Variants in AGBL4 observed in about 807,000 individuals in gnomAD.
AGBL4 encodes AGBL carboxypeptidase 4.
AGBL4 carries 58 observed loss-of-function variants against 66.4 expected under a neutral mutation model. The observed-to-expected ratio is 0.87, with a 90% CI of 0.71 to 1.09. The LOEUF is 1.09. AGBL4 is among the 50% of genes least tolerant of loss of function. The probability of loss-of-function intolerance (pLI) is 0.00; values close to 1 mark genes in which losing one functional copy is unlikely to be tolerated. For missense variants in AGBL4, 579 were observed against 631.0 expected, an observed-to-expected ratio of 0.92 and a Z score of 0.88; for synonymous variants, 234 against 222.9, an observed-to-expected ratio of 1.05 and a Z score of -0.44.
intron 4 of AGBL4, among the ~76,000 whole-genome samples, chr1:49,102,554 G>C (rs1645222041): frequency 6.6e-6 from 1 of 152,106 alleles, no homozygotes; most frequent in African/African-American, 2.4e-5. Flanking sequence ...ATTAACATAA[G>C]ATTTGATGTT....
At chr1:48,776,091 G>A (rs1645065298) in intron 6 of AGBL4, among the ~76,000 whole-genome samples, 1 of 152,182 alleles carries the variant, frequency 6.6e-6, no homozygotes, top group Non-Finnish European at 1.5e-5. Context: ...TTCCCTCTGT[G>A]AGGAGGGACT....
At chr1:48,558,379 T>G (rs996708569) in intron 11 of AGBL4, among the ~76,000 whole-genome samples, 1 of 152,126 alleles carries the variant, frequency 6.6e-6, no homozygotes, top group Non-Finnish European at 1.5e-5. Context: ...CTTAATGTAT[T>G]CCCCTCTCAC....
chr1:49,950,869 C>T (rs953784230), intron 1 of AGBL4, among the ~76,000 whole-genome samples: 13 of 151,634 alleles, frequency 8.6e-5, no homozygotes, highest in South Asian at 2.1e-4. Context: ...AAAGAAAATG[C>T]GAAAATGTAG....
Position 49,116,086 on chromosome 1 carries a change from C to T in AGBL4, c.378-70286G>A, listed in dbSNP as rs1019127079. 7.9e-5 allele frequency among the ~76,000 whole-genome samples: 12 copies of T among 151,904 alleles called. No individual in the cohort carries two copies. The East Asian group carries it at 9.7e-4, about 12-fold the overall frequency. On this transcript the variant is annotated intron_variant, in intron 4 of 13. Coordinates refer to ENST00000371839, the MANE Select transcript of AGBL4 (RefSeq NM_032785.4). Reference sequence around the variant, plus strand: ...TTGTATGTCTTTGAAAAATTATGCACGAGATATCTATGATTTTTTAAAAAT... The same window carrying T: ...TTGTATGTCTTTGAAAAATTATGCATGAGATATCTATGATTTTTTAAAAAT...
intron 6 of AGBL4, among the ~76,000 whole-genome samples, chr1:48,667,187 T>C (rs1414332494): frequency 6.6e-6 from 1 of 152,220 alleles, no homozygotes; most frequent in Non-Finnish European, 1.5e-5. Flanking sequence ...CAGTGTGGGC[T>C]GGACTTAGAG....
intron 3 of AGBL4, among the ~76,000 whole-genome samples, chr1:49,476,159 T>C (rs1173427016): frequency 1.3e-5 from 2 of 152,100 alleles, no homozygotes; most frequent in African/African-American, 4.8e-5. Flanking sequence ...TATTTCTGCC[T>C]AAATCTTGAT....
intron 1 of AGBL4, among the ~76,000 whole-genome samples, chr1:49,898,954 G>A (rs925281508): frequency 2.0e-5 from 3 of 152,110 alleles, no homozygotes; most frequent in African/African-American, 7.2e-5. Flanking sequence ...GAGAGTAGAA[G>A]GATGGTTACC....
chr1:49,072,887 C>T (rs142824557), intron 4 of AGBL4, among the ~76,000 whole-genome samples: 83 of 152,298 alleles, frequency 5.4e-4, no homozygotes, highest in South Asian at 8.3e-4. Context: ...ACCAATCAAA[C>T]GTAGATTTGG....
intron 1 of AGBL4, among the ~76,000 whole-genome samples, chr1:49,936,930 A>C (rs1277976900): frequency 6.6e-6 from 1 of 152,232 alleles, no homozygotes; most frequent in Non-Finnish European, 1.5e-5. Context: ...AACTGCATCA[A>C]CTAACGAGCA....
intron 1 of AGBL4, among the ~76,000 whole-genome samples, chr1:49,956,658 G>A (rs572875263): frequency 2.6e-5 from 4 of 151,756 alleles, no homozygotes; most frequent in Non-Finnish European, 4.4e-5. Flanking sequence ...AAAACATAAG[G>A]TTCAAATGAG....
intron 3 of AGBL4, among the ~76,000 whole-genome samples, chr1:49,630,535 G>T (rs1176080234): frequency 2.0e-5 from 3 of 152,148 alleles, no homozygotes; most frequent in Admixed American, 6.5e-5. Context: ...AGTACTTGGT[G>T]TGATTGCCTA....
rs1650104949 is a variant in AGBL4, at chr1:49,228,945, G to C, written c.377+16825C>G. Among the ~76,000 whole-genome samples, 2 of 152,126 alleles carry C rather than the reference G, an allele frequency of 1.3e-5. 1 individual carries two copies. The highest frequency in any genetic ancestry group is 2.9e-5 in the Non-Finnish European group (2 of 68,034). ...ATTTCCAGCCTCATCACCTAGCACA[G>C]GACCCAAGCTCAGCTCATCTTCTCC... is the stretch of plus-strand genomic sequence containing the variant. On this transcript the variant is annotated intron_variant, in intron 4 of 13. Coordinates refer to ENST00000371839, the MANE Select transcript of AGBL4 (RefSeq NM_032785.4).
intron 5 of AGBL4, among the ~76,000 whole-genome samples, chr1:48,899,188 G>A (rs34668690): frequency 6.6e-6 from 1 of 152,224 alleles, no homozygotes; most frequent in Non-Finnish European, 1.5e-5. Context: ...GCGTGTAGCC[G>A]TGGGCAGGCG....
chr1:49,578,881 T>C (rs903887322), intron 3 of AGBL4, among the ~76,000 whole-genome samples: 2 of 152,164 alleles, frequency 1.3e-5, no homozygotes, highest in African/African-American at 4.8e-5. Context: ...GGATACAGAG[T>C]ATTGATACTG....
intron 2 of AGBL4, among the ~76,000 whole-genome samples, chr1:49,761,889 G>A (rs545270716): frequency 2.6e-5 from 4 of 152,106 alleles, no homozygotes; most frequent in African/African-American, 9.6e-5. Context: ...GGTGCCCATT[G>A]TTCTACTCTC....
rs72901848 is a variant in AGBL4, at chr1:49,610,076, A to C, written c.282+87237T>G. 2.2e-3 allele frequency among the ~76,000 whole-genome samples: 340 copies of C among 152,112 alleles called. 2 individuals carry two copies. The highest frequency in any genetic ancestry group is 7.9e-3 in the African/African-American group (327 of 41,564). On this transcript the variant is annotated intron_variant, in intron 3 of 13. Coordinates refer to ENST00000371839, the MANE Select transcript of AGBL4 (RefSeq NM_032785.4). The stretch of plus-strand genomic sequence containing the variant: ...TAAGCAAATGCAGGCAATAGAAAAT[A>C]AAAAATAAAAATAAGATAAAGTTAG...
intron 2 of AGBL4, 107 bp from the exon 3 acceptor site, chr1:49,697,544 A>G (rs1276134106): frequency 2.1e-6 from 2 of 932,086 alleles, no homozygotes; most frequent in Non-Finnish European, 3.0e-6. Context: ...GTCAACATTC[A>G]GTACTTGAAG....
At chr1:49,900,677 G>A (rs1398654182) in intron 1 of AGBL4, among the ~76,000 whole-genome samples, 2 of 152,166 alleles carry the variant, frequency 1.3e-5, no homozygotes, top group Non-Finnish European at 2.9e-5. Flanking sequence ...AAAAGCAGTA[G>A]AACAGATCCA....
At chr1:49,519,255 A>T (rs1300886012) in intron 3 of AGBL4, among the ~76,000 whole-genome samples, 1 of 152,030 alleles carries the variant, frequency 6.6e-6, no homozygotes, top group African/African-American at 2.4e-5. Context: ...TTGGTTTTTT[A>T]TTCTCTAAAA....
Sources: allele counts gnomAD v4.1 joint callset (sites outside exome capture counted in the v4.1 genomes callset), GRCh38; gene constraint gnomAD v4.1.1; transcripts MANE v1.5; gene names NCBI Gene and HGNC (gene_info 2026-07-23, HGNC 2026-07-21).